The following TRAF7 variants were observed in gnomAD, a reference collection of about 807,000 sequenced individuals.
TRAF7 encodes E3 ubiquitin-protein ligase TRAF7.
TRAF7 carries 45 observed loss-of-function variants against 89.3 expected under a neutral mutation model. The observed-to-expected ratio is 0.50, with a 90% CI of 0.40 to 0.65. The LOEUF (loss-of-function observed/expected upper bound fraction) is 0.65. Ranked by LOEUF, TRAF7 falls within the 30% of genes least tolerant of loss-of-function variation. TRAF7 has a pLI of 0.00. For synonymous variants in TRAF7, 406 were observed against 369.2 expected, an observed-to-expected ratio of 1.10 and a Z score of -1.14; for missense variants, 677 against 918.1, an observed-to-expected ratio of 0.74 and a Z score of 3.39.
Position 2,161,771 on chromosome 16 carries a change from C to T in TRAF7, c.-38-2112C>T, listed in dbSNP as rs1040148121. 1.3e-5 allele frequency among the ~76,000 whole-genome samples: 2 copies of T among 152,224 alleles called. No homozygotes were observed. Among genetic ancestry groups the T allele is most frequent in the African/African-American group, 4.8e-5 (2 of 41,468 alleles). On this transcript the variant is annotated intron_variant, in intron 1 of 20. Transcript: ENST00000326181. The surrounding 1 kb of genome is among the most constrained non-coding windows in gnomAD (Gnocchi z 5.2). ...CCAGCTGGGACATCCTCACCCCAAG[C>T]ACAATGGCAAAAGGCAAGCCCTGGC...
In TRAF7 at chr16:2,159,468, C is replaced by G. The variant is rs763179031; in HGVS notation, c.-39+3610C>G. On this transcript the variant is annotated intron_variant, in intron 1 of 20. Transcript: ENST00000326181. This position sits in a 1 kb window ranked among gnomAD's most constrained non-coding sequence, Gnocchi z 6.5. Reference sequence around the variant, plus strand: ...AAACGTTCTAAGGGACGTCAGGGAACAGCGGCGGAAGTGCGTGTGGCTTTG... The same window carrying G: ...AAACGTTCTAAGGGACGTCAGGGAAGAGCGGCGGAAGTGCGTGTGGCTTTG... Among the ~76,000 whole-genome samples, 3 of 152,244 alleles carry G rather than the reference C, an allele frequency of 2.0e-5. No homozygotes were observed. The highest frequency in any genetic ancestry group is 4.4e-5 in the Non-Finnish European group (3 of 68,040).
intron 12 of TRAF7, 40 bp downstream of exon 12, chr16:2,173,876 C>A (rs199630186): frequency 1.1e-4 from 171 of 1,609,984 alleles, no homozygotes; most frequent in Middle Eastern, 3.5e-4. Context: ...CACCCTCCCC[C>A]CCGGGCCCCA....
chr16:2,164,131 G>A, intron 2 of TRAF7, 130 bp downstream of exon 2: 1 of 731,134 alleles, frequency 1.4e-6, no homozygotes, highest in Non-Finnish European at 2.2e-6. Context: ...CTCGGTGGGG[G>A]GGGGTGTGGT....
intron 18 of TRAF7, 31 bp from the exon 19 acceptor site, chr16:2,176,018 T>C (rs1176237620): frequency 1.9e-6 from 3 of 1,609,150 alleles, no homozygotes; most frequent in Non-Finnish European, 2.5e-6. Flanking sequence ...TTGCTCAGTG[T>C]CTTTGACCTG....
chr16:2,172,125 T>C (rs2093114184), intron 7 of TRAF7, 66 bp from the exon 8 acceptor site: 4 of 1,591,704 alleles, frequency 2.5e-6, no homozygotes, highest in Admixed American at 3.5e-5. Flanking sequence ...TAGAGGCTCA[T>C]GCCCACCCGG....
chr16:2,160,253 T>TG (rs902021957), intron 1 of TRAF7, among the ~76,000 whole-genome samples: 12 of 151,804 alleles, frequency 7.9e-5, no homozygotes, highest in African/African-American at 2.9e-4. Context: ...GAGGGGACGG[T>TG]GGGGGGCCAA....
chr16:2,171,365 G>A lies in TRAF7; in HGVS notation c.441+9G>A, dbSNP rs375447552. 4.8e-5 allele frequency: 75 copies of A among 1,546,870 alleles called. 2 individuals carry two copies. Among genetic ancestry groups the A allele is most frequent in the Middle Eastern group, 1.7e-4 (1 of 6,006 alleles). ...TGATCACCACGTGTGGGGTGAGCCC[G>A]CCGCCCTTCCCAGCCCCCCTGCTGC... On this transcript the variant is annotated intron_variant, in intron 6 of 20. Coordinates refer to ENST00000326181, the MANE Select transcript of TRAF7 (RefSeq NM_032271.3).
In TRAF7 at chr16:2,176,592, T is replaced by C; in HGVS notation, c.*18T>C. On this transcript the variant is annotated 3_prime_UTR_variant, in exon 21 of 21. Coordinates refer to ENST00000326181, the MANE Select transcript of TRAF7 (RefSeq NM_032271.3). Reference sequence around the variant, plus strand: ...CTTGCTAACAGGATCCAGGCCAGGCTGTGGTTTCCCCTGAACCAGCCCTGG... The same window carrying C: ...CTTGCTAACAGGATCCAGGCCAGGCCGTGGTTTCCCCTGAACCAGCCCTGG... 1 of 1,613,406 alleles carries C rather than the reference T, an allele frequency of 6.2e-7. No homozygotes were observed. Among genetic ancestry groups the C allele is most frequent in the Non-Finnish European group, 8.5e-7 (1 of 1,179,986 alleles).
In TRAF7 at chr16:2,158,761, G is replaced by A. The variant is rs1385465132; in HGVS notation, c.-39+2903G>A. 2.1e-5 allele frequency among the ~76,000 whole-genome samples: 3 copies of A among 140,322 alleles called. No homozygotes were observed. The highest frequency in any genetic ancestry group is 7.8e-5 in the African/African-American group (3 of 38,406). The allele number at this position is 140,322 out of a possible 152,430, so 92.1% of individuals were successfully genotyped here. On this transcript the variant is annotated intron_variant, in intron 1 of 20. Transcript: ENST00000326181. The surrounding 1 kb of genome is among the most constrained non-coding windows in gnomAD (Gnocchi z 4.7). The stretch of plus-strand genomic sequence containing the variant: ...ACACAGCGTGGGACTGGGAAGCGTG[G>A]GCTCGGCGGGGGGGGGGGGGACACT...
chr16:2,175,644 G>A (rs1159075924), intron 17 of TRAF7, 22 bp downstream of exon 17: 2 of 1,607,048 alleles, frequency 1.2e-6, no homozygotes, highest in African/African-American at 1.3e-5. Context: ...CACACCTGGT[G>A]GCCACAGGGC....
rs910186896 is a variant in TRAF7, at chr16:2,177,423, A to T, written c.*849A>T. On this transcript the variant is annotated 3_prime_UTR_variant, in exon 21 of 21. Coordinates refer to ENST00000326181, the MANE Select transcript of TRAF7 (RefSeq NM_032271.3). ...ATCGCTGGTTTTCGGCATTTTTTAA[A>T]TTTTTTTTTTAAGAAACGTCAAAGT... 7.6e-5 allele frequency: 17 copies of T among 224,756 alleles called. No individual in the cohort carries two copies. Among genetic ancestry groups the T allele is most frequent in the Admixed American group, 3.4e-4 (6 of 17,392 alleles). 13.9% of individuals were successfully genotyped at this position (224,756 alleles called of 1,614,324 possible).
At chr16:2,164,157 T>TGCGC (rs1264547649) in intron 2 of TRAF7, among the ~76,000 whole-genome samples, 156 bp downstream of exon 2, 17 of 126,448 alleles carry the variant, frequency 1.3e-4, no homozygotes, top group South Asian at 2.6e-4. Flanking sequence ...TGTGTGTGTG[T>TGCGC]GTGCGCGCGC....
intron 12 of TRAF7, 23 bp downstream of exon 12, chr16:2,173,859 T>TTGGGGGCGC: frequency 8.0e-7 from 1 of 1,246,256 alleles, no homozygotes; most frequent in Non-Finnish European, 1.1e-6. Flanking sequence ...CCGCCGTGGC[T>TTGGGGGCGC]CCCGCCCACC....
intron 4 of TRAF7, among the ~76,000 whole-genome samples, chr16:2,169,321 G>A (rs1222904272): frequency 6.6e-6 from 1 of 152,194 alleles, no homozygotes; most frequent in Non-Finnish European, 1.5e-5. Flanking sequence ...AAACACACCT[G>A]TGTGCCGGGC....
Position 2,173,937 on chromosome 16 carries a change from G to C in TRAF7, c.1152G>C (p.Gln384His), listed in dbSNP as rs778907330. The change falls in exon 13 of 21, where the codon CAG (glutamine) becomes CAC (histidine). Residue 384 changes from glutamine (Q) to histidine (H), a missense_variant. Gln to His is a conservative substitution (Grantham distance 24). Transcript: ENST00000326181. Reference sequence around the variant, plus strand: ...TCTCTGCAGCCTACGACCCTCAGCAGATCTTCAAGTGCAAAGGGACCTTTG... The same window carrying C: ...TCTCTGCAGCCTACGACCCTCAGCACATCTTCAAGTGCAAAGGGACCTTTG... ...MGILGSYDPQ[Q>H]IFKCKGTFVG... 1.4e-6 allele frequency: 2 copies of C among 1,439,082 alleles called. No individual in the cohort carries two copies. Among genetic ancestry groups the C allele is most frequent in the African/African-American group, 1.5e-5 (1 of 65,264 alleles). The allele number at this position is 1,439,082 out of a possible 1,614,324, so 89.1% of individuals were successfully genotyped here. A position where few individuals can be genotyped will look rare whatever the true frequency, so the allele number is the denominator to read the frequency against.
intron 4 of TRAF7, among the ~76,000 whole-genome samples, chr16:2,170,009 G>A (rs1371201682): frequency 6.6e-6 from 1 of 152,184 alleles, no homozygotes; most frequent in Non-Finnish European, 1.5e-5. Context: ...CCTCCCCCAG[G>A]CTCCCTTGTC....
In TRAF7 at chr16:2,177,774, G is replaced by GAC. The variant is rs1190284138; in HGVS notation, c.*1203_*1204dup. 4.1e-6 allele frequency: 1 copy of GAC among 244,812 alleles called. No individual in the cohort carries two copies. The highest frequency in any genetic ancestry group is 2.2e-5 in the African/African-American group (1 of 45,066). 15.2% of individuals were successfully genotyped at this position (244,812 alleles called of 1,614,324 possible). On this transcript the variant is annotated 3_prime_UTR_variant, in exon 21 of 21. Transcript: ENST00000326181. Reference sequence around the variant, plus strand: ...TGGGACGCAGCCACGCCAGGAGGAGGACACGGCCGCCGAGAGCAAGGCACA... The same window carrying GAC: ...TGGGACGCAGCCACGCCAGGAGGAGGACACACGGCCGCCGAGAGCAAGGCACA...
chr16:2,158,768 C>CGG lies in TRAF7; in HGVS notation c.-39+2922_-39+2923dup, dbSNP rs71148123. ...GTGGGACTGGGAAGCGTGGGCTCGG[C>CGG]GGGGGGGGGGGGGACACTGCCACCC... On this transcript the variant is annotated intron_variant, in intron 1 of 20. Transcript: ENST00000326181. The surrounding 1 kb of genome is among the most constrained non-coding windows in gnomAD (Gnocchi z 4.7). Among the ~76,000 whole-genome samples, 89 of 50,890 alleles carry CGG rather than the reference C, an allele frequency of 1.7e-3. 1 individual carries two copies. In the East Asian group the frequency reaches 0.019, roughly 11 times the overall value. 33.4% of individuals were successfully genotyped at this position (50,890 alleles called of 152,430 possible).
chr16:2,171,697 G>T, intron 7 of TRAF7, 92 bp downstream of exon 7: 2 of 1,586,274 alleles, frequency 1.3e-6, no homozygotes, highest in Non-Finnish European at 1.7e-6. Flanking sequence ...CCTGCACAGC[G>T]TCCGGCCCTG....
Sources: gnomAD v4.1 joint callset for allele counts (sites outside exome capture counted in the v4.1 genomes callset) on GRCh38, gnomAD v4.1.1 for gene constraint, Gnocchi (gnomAD v3.1) non-coding constraint, MANE v1.5 for transcripts, NCBI Gene and HGNC (gene_info 2026-07-23, HGNC 2026-07-21) for gene names.